The following LDAH variants were observed in gnomAD, a reference collection of about 807,000 sequenced individuals.
LDAH encodes the protein lipid droplet associated hydrolase.
In LDAH, 26 loss-of-function variants were observed where a neutral mutation model predicts 29.6. The ratio of observed to expected loss-of-function variants is 0.88; its 90% CI spans 0.64 to 1.22. The LOEUF (loss-of-function observed/expected upper bound fraction) is 1.22. Ranked by LOEUF, LDAH falls within the 50% of genes most tolerant of loss-of-function variation. The pLI is 0.00. For missense variants in LDAH, 344 were observed against 387.3 expected (o/e 0.89, Z 0.94); for synonymous variants, 117 against 133.0 (o/e 0.88, Z 0.83).
At chr2:20,775,179 A>T (rs1267531058) in intron 3 of LDAH, among the ~76,000 whole-genome samples, 200 bp from the exon 4 acceptor site, 1 of 152,178 alleles carries the variant, frequency 6.6e-6, no homozygotes, top group Non-Finnish European at 1.5e-5. Context: ...CCTTCACTTG[A>T]TAGGTGAAAA....
Position 20,799,445 on chromosome 2 carries a change from G to A in LDAH, c.154+1865C>T, listed in dbSNP as rs549524031. Reference sequence around the variant, plus strand: ...GAACGTGTAATGATCATGTCAGGGTGTTTTAGTACATTCACTTTGAGTATT... The same window carrying A: ...GAACGTGTAATGATCATGTCAGGGTATTTTAGTACATTCACTTTGAGTATT... On this transcript the variant is annotated intron_variant, in intron 2 of 6. Coordinates refer to ENST00000237822, the MANE Select transcript of LDAH (RefSeq NM_021925.4). Among the ~76,000 whole-genome samples the A allele has an allele frequency of 1.1e-3, 168 of 152,230 alleles. 2 individuals carry two copies. The highest frequency in any genetic ancestry group is 2.2e-3 in the Non-Finnish European group (148 of 67,994).
chr2:20,806,772 T>C (rs1247048225), intron 1 of LDAH, among the ~76,000 whole-genome samples: 6 of 151,610 alleles, frequency 4.0e-5, no homozygotes, highest in Non-Finnish European at 5.9e-5. Context: ...ACAAAATGTA[T>C]GAAATGCAGA....
At chr2:20,778,443 GTCATT>G (rs1669964434) in intron 3 of LDAH, among the ~76,000 whole-genome samples, 2 of 152,170 alleles carry the variant, frequency 1.3e-5, no homozygotes, top group African/African-American at 4.8e-5. Flanking sequence ...TTATTAAGCA[GTCATT>G]AAAATTGCTT....
At chr2:20,718,409 A>C (rs1381163194) in intron 5 of LDAH, among the ~76,000 whole-genome samples, 1 of 152,182 alleles carries the variant, frequency 6.6e-6, no homozygotes, top group Non-Finnish European at 1.5e-5. Context: ...AACTATAAAA[A>C]GAGACAAAAA....
chr2:20,778,659 A>G (rs927486173), intron 3 of LDAH, among the ~76,000 whole-genome samples: 58 of 152,314 alleles, frequency 3.8e-4, no homozygotes, highest in African/African-American at 1.3e-3. Flanking sequence ...GGAAACAGAC[A>G]TAGATAAAAA....
chr2:20,739,653 C>T (rs1354665910), intron 5 of LDAH, among the ~76,000 whole-genome samples: 2 of 152,166 alleles, frequency 1.3e-5, no homozygotes, highest in Non-Finnish European at 2.9e-5. Context: ...ACTAAGCTAA[C>T]AGGCACACCA....
chr2:20,819,520 CAT>C (rs555300779), intron 1 of LDAH, among the ~76,000 whole-genome samples: 199 of 152,276 alleles, frequency 1.3e-3, no homozygotes, highest in African/African-American at 4.5e-3. Context: ...ACAAAAACCA[CAT>C]GATTATCTCA....
chr2:20,745,641 T>C (rs1558436709), intron 4 of LDAH, among the ~76,000 whole-genome samples: 1 of 152,136 alleles, frequency 6.6e-6, no homozygotes. Flanking sequence ...CTATATACTT[T>C]CTATTTGTCA....
At position 20,685,391 on chromosome 2, in the gene LDAH, CTG is replaced by C. The variant is rs772249555; in HGVS notation, c.*1510_*1511del. 3 of 880,284 alleles carry C rather than the reference CTG, an allele frequency of 3.4e-6. No homozygotes were observed. The highest frequency in any genetic ancestry group is 4.9e-6 in the Non-Finnish European group (3 of 607,764). The allele number at this position is 880,284 out of a possible 1,614,324, so 54.5% of individuals were successfully genotyped here. A position where few individuals can be genotyped will look rare whatever the true frequency, so the allele number is the denominator to read the frequency against. ...TCTCATGCAGATGCCAATAAAGGAT[CTG>C]TGTACAGCCCTGTGCTTACGGCCTA... On this transcript the variant is annotated 3_prime_UTR_variant, in exon 7 of 7. Transcript: ENST00000237822.
At chr2:20,697,262 C>T (rs1663561240) in intron 6 of LDAH, among the ~76,000 whole-genome samples, 2 of 152,276 alleles carry the variant, frequency 1.3e-5, no homozygotes, top group South Asian at 4.1e-4. Context: ...TCTTAGATTC[C>T]TCCATCTCCA....
intron 6 of LDAH, among the ~76,000 whole-genome samples, chr2:20,692,850 G>T (rs58951048): frequency 0.027 from 4,141 of 152,266 alleles, 171 homozygotes; most frequent in African/African-American, 0.095. Flanking sequence ...ATTTCTGGGG[G>T]TGTCATGCTG....
chr2:20,716,148 C>A (rs1236021089), intron 5 of LDAH, among the ~76,000 whole-genome samples: 1 of 152,146 alleles, frequency 6.6e-6, no homozygotes, highest in East Asian at 1.9e-4. Context: ...ATTAGTTCAA[C>A]CATTGCGGAA....
At chr2:20,756,286 C>T (rs1192284491) in intron 4 of LDAH, among the ~76,000 whole-genome samples, 2 of 152,102 alleles carry the variant, frequency 1.3e-5, no homozygotes, top group Non-Finnish European at 2.9e-5. Context: ...CCACCCACCT[C>T]GGCCTTCCAA....
rs191780929 is a variant in LDAH, at chr2:20,795,427, A to G, written c.155-5029T>C. Among the ~76,000 whole-genome samples, 7 of 152,314 alleles carry G rather than the reference A, an allele frequency of 4.6e-5. No individual in the cohort carries two copies. The East Asian group carries it at 1.3e-3, about 29-fold the overall frequency. On this transcript the variant is annotated intron_variant, in intron 2 of 6. Transcript: ENST00000237822. ...CTATATCTCCAACCACTGTGCTCAC[A>G]GCACTTGATACTTCACATGGTTCTG...
At chr2:20,759,388 G>C (rs1343420603) in intron 4 of LDAH, among the ~76,000 whole-genome samples, 1 of 152,140 alleles carries the variant, frequency 6.6e-6, no homozygotes, top group Admixed American at 6.6e-5. Context: ...TGGAATGTGA[G>C]ATCTCAAAGC....
In LDAH at chr2:20,710,171, T is replaced by C. The variant is rs147515561; in HGVS notation, c.704-8519A>G. On this transcript the variant is annotated intron_variant, in intron 5 of 6. Transcript: ENST00000237822. ...ATAAAACAATCAAATTGATAAGTGT[T>C]TAGCCAGATTGATCAGGGAAAAAAA... 2.0e-5 allele frequency among the ~76,000 whole-genome samples: 3 copies of C among 152,232 alleles called. No homozygotes were observed. The East Asian group carries it at 5.8e-4, about 29-fold the overall frequency.
chr2:20,769,582 T>C (rs1236586242), intron 4 of LDAH, among the ~76,000 whole-genome samples: 3 of 152,194 alleles, frequency 2.0e-5, no homozygotes, highest in Non-Finnish European at 4.4e-5. Flanking sequence ...TATTTTTTCC[T>C]TAGTATGGAT....
At chr2:20,717,342 T>C (rs554575838) in intron 5 of LDAH, among the ~76,000 whole-genome samples, 3 of 152,234 alleles carry the variant, frequency 2.0e-5, no homozygotes, top group Non-Finnish European at 2.9e-5. Context: ...GTGCCATATG[T>C]CAAAGGTACT....
At chr2:20,748,775 A>G (rs957327993) in intron 4 of LDAH, among the ~76,000 whole-genome samples, 4 of 152,196 alleles carry the variant, frequency 2.6e-5, no homozygotes, top group Non-Finnish European at 4.4e-5. Flanking sequence ...GCCTTTGGCA[A>G]TAACAGGCCT....
Sources: allele counts gnomAD v4.1 joint callset (sites outside exome capture counted in the v4.1 genomes callset), GRCh38; gene constraint gnomAD v4.1.1; transcripts MANE v1.5; gene names NCBI Gene and HGNC (gene_info 2026-07-23, HGNC 2026-07-21).